ATP7A: variants seen among roughly 807,000 people sequenced by gnomAD.
ATP7A encodes the protein copper-transporting ATPase 1.
ATP7A carries 7 observed loss-of-function variants against 83.5 expected under a neutral mutation model. The observed-to-expected ratio is 0.08, with a 90% CI of 0.05 to 0.16. The LOEUF is 0.16. Among genes scored for constraint, ATP7A ranks in the 10% least tolerant of loss-of-function variants. ATP7A has a pLI of 1.00. For synonymous variants in ATP7A, 354 were observed against 395.2 expected (o/e 0.90, Z 1.24); for missense variants, 940 against 1,120.8 (o/e 0.84, Z 2.30).
intron 5 of ATP7A, among the ~76,000 whole-genome samples, chrX:77,999,021 G>A (rs1443812960): frequency 6.7e-5 from 7 of 104,924 alleles, no homozygotes; most frequent in Non-Finnish European, 1.4e-4. Context: ...TTTTGAGACC[G>A]AGTCTTGCTC....
intron 2 of ATP7A, among the ~76,000 whole-genome samples, chrX:77,987,036 C>G (rs2077641172): frequency 9.0e-6 from 1 of 111,600 alleles, no homozygotes; most frequent in African/African-American, 3.3e-5. Context: ...ATCTGGAATT[C>G]TCTGCCTCAT....
At chrX:78,031,982 G>A (rs1489397326) in intron 16 of ATP7A, among the ~76,000 whole-genome samples, 4 of 111,790 alleles carry the variant, frequency 3.6e-5, no homozygotes, top group Non-Finnish European at 7.5e-5. Flanking sequence ...GCTTTATTGA[G>A]ATATAATTCA....
At chrX:77,990,496 G>T (rs543710700) in intron 4 of ATP7A, among the ~76,000 whole-genome samples, 3 of 111,631 alleles carry the variant, frequency 2.7e-5, no homozygotes, top group African/African-American at 9.7e-5. Flanking sequence ...CAATAAGAAT[G>T]TATGTATGTA....
At position 78,011,091 on chromosome X, in the gene ATP7A, T is replaced by A. The variant is rs1032112012; in HGVS notation, c.1870-85T>A. ...CTTGCCCTCAGTAATTGAACTGTTC[T>A]TAATGACAATACCATGGCTTAGAAT... On this transcript the variant is annotated intron_variant, in intron 7 of 22. Transcript: ENST00000341514. The A allele has an allele frequency of 9.2e-6, 8 of 873,517 alleles. No individual in the cohort carries two copies. In the African/African-American group the frequency reaches 9.9e-5, roughly 11 times the overall value. The allele number at this position is 873,517 out of a possible 1,213,427, so 72.0% of individuals were successfully genotyped here.
At chrX:77,916,261 G>T (rs1394262921) in intron 1 of ATP7A, among the ~76,000 whole-genome samples, 2 of 107,466 alleles carry the variant, frequency 1.9e-5, no homozygotes, top group Non-Finnish European at 3.8e-5. Context: ...AGGCTAAAGT[G>T]GGGGAATTGC....
intron 18 of ATP7A, 118 bp from the exon 19 acceptor site, chrX:78,040,473 C>A: frequency 1.1e-6 from 1 of 909,568 alleles, no homozygotes; most frequent in Non-Finnish European, 1.6e-6. Context: ...TTAAGTTAAG[C>A]CATGCCCTGA....
At chrX:77,932,359 G>A (rs1313457996) in intron 1 of ATP7A, among the ~76,000 whole-genome samples, 2 of 109,726 alleles carry the variant, frequency 1.8e-5, no homozygotes, top group South Asian at 4.0e-4. Flanking sequence ...CGGCCGGGAA[G>A]AGGCGCTCCT....
intron 17 of ATP7A, among the ~76,000 whole-genome samples, chrX:78,036,556 T>C (rs1204299912): frequency 9.0e-6 from 1 of 111,270 alleles, no homozygotes; most frequent in Non-Finnish European, 1.9e-5. Flanking sequence ...ATGACAGTTT[T>C]GAGTAGAGGA....
chrX:77,954,222 C>T (rs1052212955), intron 1 of ATP7A, among the ~76,000 whole-genome samples: 28 of 111,972 alleles, frequency 2.5e-4, no homozygotes, highest in African/African-American at 9.1e-4. Flanking sequence ...TCACTGCAAC[C>T]TCTGCCTCCC....
intron 17 of ATP7A, 43 bp from the exon 18 acceptor site, chrX:78,038,793 A>T (rs1408464413): frequency 7.5e-6 from 9 of 1,195,924 alleles, no homozygotes; most frequent in Non-Finnish European, 1.0e-5. Context: ...TTTTATAAAG[A>T]TTAATTGAAC....
Position 78,020,318 on chromosome X carries a change from C to A in ATP7A, c.2701C>A (p.Leu901Ile). 8.3e-7 allele frequency: 1 copy of A among 1,211,497 alleles called. No individual in the cohort carries two copies. Among genetic ancestry groups the A allele is most frequent in the Non-Finnish European group, 1.1e-6 (1 of 895,283 alleles). Residue 901 changes from leucine to isoleucine, a missense_variant, in exon 13 of 23, where the codon CTT becomes ATT. Leu to Ile is a conservative substitution (Grantham distance 5). Around this residue, in one of 3 missense-constraint regions of ATP7A, gnomAD observed 386 missense variants for 502.2 expected, o/e 0.77. Coordinates refer to ENST00000341514, the MANE Select transcript of ATP7A (RefSeq NM_000052.7). ...AGSINQNGSLLICATHVGADT... is the reference protein window; with the variant it reads ...AGSINQNGSLIICATHVGADT... ...TTCCATTAACCAGAACGGGTCACTG[C>A]TTATCTGCGCAACACATGTTGGAGC...
chrX:77,928,611 C>T (rs2077256113), intron 1 of ATP7A, among the ~76,000 whole-genome samples: 1 of 111,335 alleles, frequency 9.0e-6, no homozygotes, highest in African/African-American at 3.3e-5. Context: ...TATATGTTTC[C>T]CCACACGAAA....
At chrX:77,932,597 C>T (rs1557224638) in intron 1 of ATP7A, among the ~76,000 whole-genome samples, 1 of 112,559 alleles carries the variant, frequency 8.9e-6, no homozygotes, top group East Asian at 2.8e-4. Context: ...CACGCCACTG[C>T]ACTCCAGCCT....
intron 1 of ATP7A, among the ~76,000 whole-genome samples, chrX:77,930,441 C>T (rs2077265146): frequency 8.9e-6 from 1 of 111,829 alleles, no homozygotes. Context: ...CCTTGCTTTG[C>T]AGATAGGAGA....
At position 78,038,910 on chromosome X, in the gene ATP7A, A is replaced by G; in HGVS notation, c.3586A>G (p.Asn1196Asp). ...EWMIRNGLVI[N>D]NDVNDFMTEH... ...GATGATTAGAAATGGTCTTGTCATT[A>G]ATAACGATGTAAATGATTTCATGAC... Residue 1196 changes from asparagine to aspartate, a missense_variant, in exon 18 of 23, where the codon AAT becomes GAT. By Grantham distance (23) the Asn-to-Asp change is conservative. Transcript: ENST00000341514. The G allele has an allele frequency of 1.7e-6, 2 of 1,210,869 alleles. No homozygotes were observed. The highest frequency in any genetic ancestry group is 2.2e-6 in the Non-Finnish European group (2 of 894,443).
Position 78,040,721 on chromosome X carries a change from T to C in ATP7A, c.3789T>C (p.Ser1263=). 8.3e-7 allele frequency: 1 copy of C among 1,210,629 alleles called. No individual in the cohort carries two copies. The highest frequency in any genetic ancestry group is 1.1e-6 in the Non-Finnish European group (1 of 894,435). The part of the protein sequence containing the change: ...MTGDNSKTAR[S]IASQVGITKV... ...GAGACAACAGTAAAACAGCTAGATC[T>C]ATTGCTTCTCAGGTAATTGATAGGG... Residue 1263 remains serine, a synonymous_variant, in exon 19 of 23, where the codon TCT becomes TCC. Transcript: ENST00000341514.
At chrX:77,958,139 A>G (rs1403492347) in intron 1 of ATP7A, among the ~76,000 whole-genome samples, 1 of 110,641 alleles carries the variant, frequency 9.0e-6, no homozygotes, top group Non-Finnish European at 1.9e-5. Context: ...GTTGTTTAAA[A>G]GATTCTGGTA....
intron 2 of ATP7A, among the ~76,000 whole-genome samples, chrX:77,977,506 C>T (rs1432044440): frequency 1.8e-5 from 2 of 112,231 alleles, no homozygotes; most frequent in Admixed American, 9.5e-5. Context: ...TTGTCTCTGC[C>T]AACATATCCA....
chrX:77,981,058 C>T (rs782071530), intron 2 of ATP7A, among the ~76,000 whole-genome samples: 2 of 112,168 alleles, frequency 1.8e-5, no homozygotes, highest in African/African-American at 6.5e-5. Flanking sequence ...CATCATTCTG[C>T]ACCTTGCTTT....
Sources: allele counts gnomAD v4.1 joint callset (sites outside exome capture counted in the v4.1 genomes callset), GRCh38; gene constraint gnomAD v4.1.1; regional missense constraint gnomAD v4.1.1; transcripts MANE v1.5; gene names NCBI Gene and HGNC (gene_info 2026-07-23, HGNC 2026-07-21).